SCN9A: variants seen among roughly 807,000 people sequenced by gnomAD.
SCN9A encodes sodium voltage-gated channel alpha subunit 9.
Under a neutral mutation model 187.0 loss-of-function variants are expected in SCN9A, and 131 were observed. The observed-to-expected ratio is 0.70, with a 90% CI of 0.61 to 0.81. The LOEUF (loss-of-function observed/expected upper bound fraction) is 0.81, where lower values mean the gene tolerates loss of function less well. Among genes scored for constraint, SCN9A ranks in the 30% least tolerant of loss-of-function variants. The pLI is 0.00. For synonymous variants in SCN9A, 809 were observed against 808.6 expected (o/e 1.00, Z -0.01); for missense variants, 2,252 against 2,396.6 (o/e 0.94, Z 1.26).
At position 166,293,221 on chromosome 2, in the gene SCN9A, T is replaced by C. The variant is rs1267921398; in HGVS notation, c.1107+10A>G. 3 of 1,575,230 alleles carry C rather than the reference T, an allele frequency of 1.9e-6. No homozygotes were observed. Among genetic ancestry groups the C allele is most frequent in the South Asian group, 1.2e-5 (1 of 86,220 alleles). On this transcript the variant is annotated intron_variant, in intron 9 of 26. Coordinates refer to ENST00000642356, the MANE Select transcript of SCN9A (RefSeq NM_001365536.1). The stretch of plus-strand genomic sequence containing the variant: ...TCAAAAATACAATGCATGTTTCTCT[T>C]GGTACTCACCTGTTGGTAAAGGTTT...
chr2:166,254,103 C>A (rs974097236), intron 17 of SCN9A, among the ~76,000 whole-genome samples: 1 of 151,326 alleles, frequency 6.6e-6, no homozygotes, highest in East Asian at 1.9e-4. Context: ...TTTTCATATG[C>A]AGGTTTTATG....
At chr2:166,370,220 A>ATCATC (rs1553507698) in intron 1 of SCN9A, among the ~76,000 whole-genome samples, 3,624 of 97,582 alleles carry the variant, frequency 0.037, 57 homozygotes, top group African/African-American at 0.063. Flanking sequence ...TAATAATAAT[A>ATCATC]ATAATAATAA....
rs1009527239 is a variant in SCN9A at position 166,201,659 on chromosome 2, A to G, written c.4775-1795T>C. ...TATATAGTATAGAGTATGTATATAT[A>G]TAGTATACATATATACATACTCTAT... On this transcript the variant is annotated intron_variant, in intron 26 of 26. Transcript: ENST00000642356. 3.4e-5 allele frequency among the ~76,000 whole-genome samples: 5 copies of G among 148,282 alleles called. 1 individual carries two copies. Among genetic ancestry groups the G allele is most frequent in the Admixed American group, 1.4e-4 (2 of 14,730 alleles).
intron 1 of SCN9A, among the ~76,000 whole-genome samples, chr2:166,312,109 T>G (rs1248640868): frequency 1.3e-5 from 2 of 152,154 alleles, no homozygotes; most frequent in Non-Finnish European, 2.9e-5. Flanking sequence ...ATATTTACCT[T>G]TGGTGCAATT....
chr2:166,363,635 A>T (rs1024638712), intron 1 of SCN9A, among the ~76,000 whole-genome samples: 8 of 149,504 alleles, frequency 5.4e-5, no homozygotes, highest in African/African-American at 9.7e-5. Flanking sequence ...TCTGGGGACA[A>T]TGGGTATGGG....
chr2:166,233,164 T>A (rs1482716873), intron 21 of SCN9A, among the ~76,000 whole-genome samples, 176 bp downstream of exon 21: 1 of 139,590 alleles, frequency 7.2e-6, no homozygotes, highest in African/African-American at 2.7e-5. Flanking sequence ...CTATATAGTA[T>A]ACATATGCAT....
intron 24 of SCN9A, among the ~76,000 whole-genome samples, chr2:166,221,263 A>G (rs1317634258): frequency 2.6e-5 from 4 of 152,214 alleles, no homozygotes; most frequent in Non-Finnish European, 4.4e-5. Context: ...AATACAGTAC[A>G]TATCAAAATC....
intron 7 of SCN9A, among the ~76,000 whole-genome samples, chr2:166,295,789 G>A (rs1215535333): frequency 1.3e-5 from 2 of 152,164 alleles, no homozygotes; most frequent in African/African-American, 4.8e-5. Context: ...TTGAGGAGAT[G>A]ACAATGTAAT....
intron 1 of SCN9A, among the ~76,000 whole-genome samples, chr2:166,320,355 C>G (rs1336486115): frequency 6.6e-6 from 1 of 152,092 alleles, no homozygotes; most frequent in Middle Eastern, 3.2e-3. Context: ...AGAAACTGTT[C>G]TGTTACCTTC....
intron 1 of SCN9A, among the ~76,000 whole-genome samples, chr2:166,331,139 T>G (rs1188878012): frequency 6.6e-6 from 1 of 152,186 alleles, no homozygotes; most frequent in Non-Finnish European, 1.5e-5. Flanking sequence ...ATTCCAAAAT[T>G]TTATTAATTT....
At chr2:166,228,021 C>A (rs1279186875) in intron 22 of SCN9A, among the ~76,000 whole-genome samples, 2 of 151,990 alleles carry the variant, frequency 1.3e-5, no homozygotes, top group Admixed American at 6.6e-5. Flanking sequence ...CAGGAAACAT[C>A]TTTTCTCCAT....
intron 17 of SCN9A, among the ~76,000 whole-genome samples, chr2:166,271,878 G>C (rs190372526): frequency 2.0e-5 from 3 of 151,484 alleles, no homozygotes; most frequent in Admixed American, 6.7e-5. Flanking sequence ...AAAAAGAAGA[G>C]AGAGAGAGAG....
At chr2:166,371,707 AG>A (rs1345697612) in intron 1 of SCN9A, among the ~76,000 whole-genome samples, 1 of 152,212 alleles carries the variant, frequency 6.6e-6, no homozygotes, top group African/African-American at 2.4e-5. Context: ...ACAGTTCTAA[AG>A]GAAGATGTCA....
At chr2:166,207,208 T>C (rs1693848226) in intron 24 of SCN9A, among the ~76,000 whole-genome samples, 1 of 152,238 alleles carries the variant, frequency 6.6e-6, no homozygotes, top group Non-Finnish European at 1.5e-5. Flanking sequence ...CAAGGATTTA[T>C]AGTTCTGAGA....
chr2:166,231,273 T>C (rs1282036149), intron 21 of SCN9A, among the ~76,000 whole-genome samples: 1 of 152,242 alleles, frequency 6.6e-6, no homozygotes, highest in Non-Finnish European at 1.5e-5. Flanking sequence ...AAAATGAAAC[T>C]TGTAATTTTC....
intron 9 of SCN9A, among the ~76,000 whole-genome samples, chr2:166,289,586 A>C (rs1156721335): frequency 6.6e-6 from 1 of 152,034 alleles, no homozygotes; most frequent in Non-Finnish European, 1.5e-5. Flanking sequence ...TCTATCATTG[A>C]TGGGCATTTG....
At chr2:166,275,458 C>T (rs1697190889) in intron 16 of SCN9A, among the ~76,000 whole-genome samples, 1 of 151,704 alleles carries the variant, frequency 6.6e-6, no homozygotes, top group Non-Finnish European at 1.5e-5. Flanking sequence ...GTAGCATGCA[C>T]CTGTAATCTC....
intron 1 of SCN9A, among the ~76,000 whole-genome samples, chr2:166,322,657 T>C (rs1389454748): frequency 6.6e-6 from 1 of 152,118 alleles, no homozygotes; most frequent in Non-Finnish European, 1.5e-5. Flanking sequence ...TTATCATGCT[T>C]CCATAATTAA....
intron 1 of SCN9A, among the ~76,000 whole-genome samples, chr2:166,369,164 C>A (rs1180813350): frequency 6.6e-6 from 1 of 151,390 alleles, no homozygotes; most frequent in Non-Finnish European, 1.5e-5. Context: ...ATAATATACT[C>A]TATATATAAC....
Sources: gnomAD v4.1 joint callset for allele counts (sites outside exome capture counted in the v4.1 genomes callset) on GRCh38, gnomAD v4.1.1 for gene constraint, MANE v1.5 for transcripts, NCBI Gene and HGNC (gene_info 2026-07-23, HGNC 2026-07-21) for gene names.